The following SEM1 variants were observed in gnomAD, a reference collection of about 807,000 sequenced individuals.
The protein encoded by SEM1 is SEM1 26S proteasome subunit, also known as 26S proteasome complex subunit SEM1.
A neutral mutation model predicts 12.7 loss-of-function variants in SEM1; 3 were observed. The ratio of observed to expected loss-of-function variants is 0.24; its 90% CI spans 0.11 to 0.61. SEM1 has a LOEUF of 0.61. SEM1 is among the 20% of genes least tolerant of loss of function. SEM1 has a pLI of 0.88. For missense variants in SEM1, 59 were observed against 81.3 expected (o/e 0.73, Z 1.06); for synonymous variants, 30 against 27.8 (o/e 1.08, Z -0.25).
chr7:96,678,134 C>T (rs545443663), intron 2 of SEM1, among the ~76,000 whole-genome samples: 2 of 152,206 alleles, frequency 1.3e-5, no homozygotes, highest in East Asian at 3.9e-4. Context: ...AGCAAATATT[C>T]CATATTCAAA....
At chr7:96,488,741 G>A (rs1160073323) in intron 1 of SEM1, among the ~76,000 whole-genome samples, 2 of 152,120 alleles carry the variant, frequency 1.3e-5, no homozygotes, top group Non-Finnish European at 2.9e-5. Context: ...ACAATTTCCA[G>A]TTACCCCATC....
chr7:96,686,697 C>A (rs998224557), downstream of SEM1, among the ~76,000 whole-genome samples: 1 of 152,042 alleles, frequency 6.6e-6, no homozygotes, highest in Admixed American at 6.6e-5. Context: ...AGAAGAAAAC[C>A]TAGGCATTAA....
At chr7:96,516,263 T>C (rs1804092839) in intron 2 of SEM1, among the ~76,000 whole-genome samples, 1 of 152,158 alleles carries the variant, frequency 6.6e-6, no homozygotes, top group African/African-American at 2.4e-5. Flanking sequence ...TAAAAATTTC[T>C]TCTCTGCAAG....
At chr7:96,528,056 C>T (rs1804523965) in intron 2 of SEM1, among the ~76,000 whole-genome samples, 1 of 152,078 alleles carries the variant, frequency 6.6e-6, no homozygotes, top group Admixed American at 6.6e-5. Flanking sequence ...GGTTCAAATC[C>T]AGTGGACTCA....
At chr7:96,552,949 T>C (rs1805336810) in intron 2 of SEM1, among the ~76,000 whole-genome samples, 1 of 151,282 alleles carries the variant, frequency 6.6e-6, no homozygotes, top group Non-Finnish European at 1.5e-5. Flanking sequence ...TGGCCAGTGA[T>C]GATGAGCATT....
intron 2 of SEM1, among the ~76,000 whole-genome samples, chr7:96,601,805 C>T (rs893722159): frequency 1.3e-5 from 2 of 150,744 alleles, no homozygotes; most frequent in Non-Finnish European, 3.0e-5. Context: ...GAAGACCAAA[C>T]AGAAATCTTT....
chr7:96,511,223 C>T lies in SEM1; in HGVS notation c.171-4525G>A, dbSNP rs1803924458. ...TCCTCAAGGAATAATTTGGTGATGTCCTGACCACAGATTCATTCATTCAGT... is the reference window on the plus strand; with the variant it reads ...TCCTCAAGGAATAATTTGGTGATGTTCTGACCACAGATTCATTCATTCAGT... On this transcript the variant is annotated intron_variant and NMD_transcript_variant, in intron 2 of 3. Coordinates refer to the SEM1 transcript ENST00000466986. Among the ~76,000 whole-genome samples, 2 of 152,126 alleles carry T rather than the reference C, an allele frequency of 1.3e-5. 1 individual carries two copies. Among genetic ancestry groups the T allele is most frequent in the South Asian group, 4.1e-4 (2 of 4,828 alleles).
chr7:96,599,503 G>A (rs991370045), intron 2 of SEM1, among the ~76,000 whole-genome samples: 3 of 152,140 alleles, frequency 2.0e-5, no homozygotes, highest in Non-Finnish European at 4.4e-5. Flanking sequence ...AATATTTGCT[G>A]ATGAGACTGG....
chr7:96,605,258 T>C (rs531511171), intron 2 of SEM1, among the ~76,000 whole-genome samples: 18 of 152,262 alleles, frequency 1.2e-4, no homozygotes, highest in African/African-American at 3.9e-4. Flanking sequence ...TGGCCCTACA[T>C]TGGCATTCGT....
At chr7:96,564,914 TTAAATG>T (rs1188795446) in intron 2 of SEM1, among the ~76,000 whole-genome samples, 2 of 152,036 alleles carry the variant, frequency 1.3e-5, no homozygotes, top group African/African-American at 4.8e-5. Flanking sequence ...CATTTAAACT[TTAAATG>T]TAATTAATAT....
At chr7:96,642,991 T>A (rs1385901111) in intron 2 of SEM1, among the ~76,000 whole-genome samples, 1 of 152,138 alleles carries the variant, frequency 6.6e-6, no homozygotes, top group Non-Finnish European at 1.5e-5. Flanking sequence ...AAGAGCAGGT[T>A]TGTTACATAG....
chr7:96,628,209 A>G (rs1222468471), intron 2 of SEM1, among the ~76,000 whole-genome samples: 2 of 151,792 alleles, frequency 1.3e-5, no homozygotes, highest in East Asian at 1.9e-4. Flanking sequence ...GGATCTTTTC[A>G]TTGGGTACAT....
intron 2 of SEM1, among the ~76,000 whole-genome samples, chr7:96,588,703 C>T (rs1461587010): frequency 6.6e-6 from 1 of 152,054 alleles, no homozygotes; most frequent in African/African-American, 2.4e-5. Context: ...GACATGGAGA[C>T]TGCAGTGAGC....
intron 2 of SEM1, among the ~76,000 whole-genome samples, chr7:96,581,880 A>G (rs1012141373): frequency 9.9e-5 from 15 of 152,092 alleles, no homozygotes; most frequent in Admixed American, 7.2e-4. Flanking sequence ...GGCTGAGACA[A>G]TGGGGTTTTC....
At chr7:96,532,124 G>T (rs990735076) in intron 2 of SEM1, among the ~76,000 whole-genome samples, 3 of 151,950 alleles carry the variant, frequency 2.0e-5, no homozygotes, top group Admixed American at 1.3e-4. Context: ...TATCTTTAAG[G>T]TCTGGCAGTA....
chr7:96,541,762 A>T (rs905495678), intron 2 of SEM1, among the ~76,000 whole-genome samples: 6 of 151,436 alleles, frequency 4.0e-5, no homozygotes, highest in East Asian at 3.9e-4. Flanking sequence ...TCTTGAGCTA[A>T]TTTTTTTATA....
intron 2 of SEM1, among the ~76,000 whole-genome samples, chr7:96,523,274 C>T (rs1022085720): frequency 1.3e-5 from 2 of 152,048 alleles, no homozygotes; most frequent in Non-Finnish European, 2.9e-5. Context: ...ATGAGGAAAA[C>T]ATTGTTCCAA....
At chr7:96,483,454 G>A (rs1584689347) in exon 4 of SEM1, 2 of 215,972 alleles carry the variant, frequency 9.3e-6, no homozygotes, top group East Asian at 2.7e-4. Flanking sequence ...GGATGGGTAA[G>A]GTTGTGCTGC....
chr7:96,578,438 C>T (rs1806278367), intron 2 of SEM1, among the ~76,000 whole-genome samples: 1 of 152,044 alleles, frequency 6.6e-6, no homozygotes, highest in African/African-American at 2.4e-5. Flanking sequence ...GGGATAATAT[C>T]TTCAAAATGC....
Sources: gnomAD v4.1 joint callset for allele counts (sites outside exome capture counted in the v4.1 genomes callset) on GRCh38, gnomAD v4.1.1 for gene constraint, MANE v1.5 for transcripts, NCBI Gene and HGNC (gene_info 2026-07-23, HGNC 2026-07-21) for gene names.